NUDCD2: variants seen among roughly 807,000 people sequenced by gnomAD.
NUDCD2 encodes the protein NudC domain containing 2.
Under a neutral mutation model 20.8 loss-of-function variants are expected in NUDCD2, and 16 were observed. The observed-to-expected ratio is 0.77, with a 90% CI of 0.52 to 1.17. The LOEUF is 1.17. Among genes scored for constraint, NUDCD2 ranks in the 50% most tolerant of loss-of-function variants. The pLI, the probability that NUDCD2 is intolerant of heterozygous loss-of-function variation, is 0.00. For missense variants in NUDCD2, 199 were observed against 193.9 expected (o/e 1.03, Z -0.16); for synonymous variants, 87 against 72.8 (o/e 1.20, Z -1.00).
In NUDCD2 at chr5:163,457,034, A is replaced by G. The variant is rs1238651395; in HGVS notation, c.285T>C (p.Asp95=). The G allele has an allele frequency of 1.2e-6, 2 of 1,613,326 alleles. No individual in the cohort carries two copies. Among genetic ancestry groups the G allele is most frequent in the Non-Finnish European group, 1.7e-6 (2 of 1,179,826 alleles). Residue 95 remains aspartate, a synonymous_variant, in exon 3 of 4, where the codon GAT becomes GAC. Coordinates refer to ENST00000302764, the MANE Select transcript of NUDCD2 (RefSeq NM_145266.6). ...GTAGAGAAGTCCAACAATTTGCTGC[A>G]TCTCTCTTTGTCTTTGTAAGAACAA... is the stretch of plus-strand genomic sequence containing the variant. ...VRIVLTKTKR[D]AANCWTSLLE...
chr5:163,457,063 G>GA lies in NUDCD2; in HGVS notation c.255dup (p.Arg86SerfsTer22). 2 of 1,600,508 alleles carry GA rather than the reference G, an allele frequency of 1.2e-6. No homozygotes were observed. Among genetic ancestry groups the GA allele is most frequent in the South Asian group, 2.3e-5 (2 of 88,558 alleles). ...CTCTTTGTCTTTGTAAGAACAATAC[G>GA]AACCATTTTTCTGTCCTCTAAAAAA... is the stretch of plus-strand genomic sequence containing the variant. On this transcript the variant is annotated frameshift_variant, in exon 3 of 4. Coordinates refer to ENST00000302764, the MANE Select transcript of NUDCD2 (RefSeq NM_145266.6). LOFTEE classifies it high-confidence loss of function.
chr5:163,457,373 T>C (rs917109887), intron 2 of NUDCD2, among the ~76,000 whole-genome samples, 189 bp downstream of exon 2: 1 of 150,948 alleles, frequency 6.6e-6, no homozygotes, highest in African/African-American at 2.5e-5. Context: ...CATTAAATTT[T>C]ATATTTCCAA....
intron 3 of NUDCD2, among the ~76,000 whole-genome samples, chr5:163,454,371 C>T (rs1028265410): frequency 9.2e-5 from 14 of 152,166 alleles, no homozygotes; most frequent in Non-Finnish European, 2.1e-4. Context: ...GACGGAGTTT[C>T]GCTCTTGTTG....
Position 163,457,593 on chromosome 5 carries a change from A to G in NUDCD2, c.207T>C (p.Ser69=), listed in dbSNP as rs368500122. The change falls in exon 2 of 4, where the codon TCT becomes TCC. Residue 69 remains serine, a synonymous_variant. Transcript: ENST00000302764. ...REILKGKLFD[S]TIADEGTWTL... is the part of the protein sequence containing the mutation. ...TCCATGTTCCCTCATCAGCTATTGT[A>G]GAATCAAAGAGTTTGCCCTGAAAAA... The G allele has an allele frequency of 3.2e-6, 5 of 1,582,066 alleles. No homozygotes were observed. The highest frequency in any genetic ancestry group is 1.7e-4 in the Middle Eastern group (1 of 5,976).
intron 1 of NUDCD2, among the ~76,000 whole-genome samples, chr5:163,458,533 G>A (rs746158488): frequency 5.9e-5 from 9 of 152,070 alleles, no homozygotes; most frequent in Non-Finnish European, 1.3e-4. Context: ...TGAGGCTGCT[G>A]TGAGCTACAA....
rs2113410517 is a variant in NUDCD2 at position 163,452,733 on chromosome 5, A to G, written c.*1234T>C. ...AACAATGACAGGATGCACTTCTATC[A>G]CATTCCTGCCAAAGATGAATAACCT... On this transcript the variant is annotated 3_prime_UTR_variant, in exon 4 of 4. Coordinates refer to ENST00000302764, the MANE Select transcript of NUDCD2 (RefSeq NM_145266.6). 6.6e-6 allele frequency: 1 copy of G among 152,326 alleles called. No homozygotes were observed. Among genetic ancestry groups the G allele is most frequent in the South Asian group, 2.1e-4 (1 of 4,828 alleles). 9.4% of individuals were successfully genotyped at this position (152,326 alleles called of 1,614,324 possible).
rs2113396943 is a variant in NUDCD2, at chr5:163,448,220, A to T, written c.*5747T>A. 1 of 152,242 alleles carries T rather than the reference A, an allele frequency of 6.6e-6. No homozygotes were observed. Among genetic ancestry groups the T allele is most frequent in the African/African-American group, 2.4e-5 (1 of 41,568 alleles). 9.4% of individuals were successfully genotyped at this position (152,242 alleles called of 1,614,324 possible). ...AAGAAGAAAAAAAAAAAAGAGGCAG[A>T]AAATAAATGCAATTGTAAACAAATT... is the stretch of plus-strand genomic sequence containing the variant. On this transcript the variant is annotated 3_prime_UTR_variant, in exon 4 of 4. Transcript: ENST00000302764.
chr5:163,458,477 T>G (rs757294834), intron 1 of NUDCD2, among the ~76,000 whole-genome samples: 24 of 152,178 alleles, frequency 1.6e-4, no homozygotes, highest in Non-Finnish European at 3.1e-4. Flanking sequence ...AGGCCTGTAA[T>G]CCCAGGACTT....
chr5:163,458,508 T>C (rs1048258666), intron 1 of NUDCD2, among the ~76,000 whole-genome samples: 3 of 152,116 alleles, frequency 2.0e-5, no homozygotes, highest in Non-Finnish European at 2.9e-5. Flanking sequence ...CGTGGATTGC[T>C]TGACCCCATG....
rs867818280 is a variant in NUDCD2, at chr5:163,448,515, T to C, written c.*5452A>G. On this transcript the variant is annotated 3_prime_UTR_variant, in exon 4 of 4. Coordinates refer to ENST00000302764, the MANE Select transcript of NUDCD2 (RefSeq NM_145266.6). ...TCAATAAATTCTCTATTTTTAAAAA[T>C]TGAACCATTGTTTAAAACCTTACTA... The C allele has an allele frequency of 2.0e-5, 3 of 152,276 alleles. No homozygotes were observed. Among genetic ancestry groups the C allele is most frequent in the Admixed American group, 6.5e-5 (1 of 15,298 alleles). 9.4% of individuals were successfully genotyped at this position (152,276 alleles called of 1,614,324 possible). A position where few individuals can be genotyped will look rare whatever the true frequency, so the allele number is the denominator to read the frequency against.
chr5:163,450,194 G>C lies in NUDCD2; in HGVS notation c.*3773C>G, dbSNP rs1758143112. 6.6e-6 allele frequency: 1 copy of C among 152,218 alleles called. No individual in the cohort carries two copies. 9.4% of individuals were successfully genotyped at this position (152,218 alleles called of 1,614,324 possible). A position where few individuals can be genotyped will look rare whatever the true frequency, so the allele number is the denominator to read the frequency against. ...AAGAATCACTTGAACCCAGCAGGCAGAGGTTGCAGTGAGTGGAGATTGTGC... is the reference window on the plus strand; with the variant it reads ...AAGAATCACTTGAACCCAGCAGGCACAGGTTGCAGTGAGTGGAGATTGTGC... On this transcript the variant is annotated 3_prime_UTR_variant, in exon 4 of 4. Coordinates refer to ENST00000302764, the MANE Select transcript of NUDCD2 (RefSeq NM_145266.6).
rs1758154188 is a variant in NUDCD2 at position 163,450,594 on chromosome 5, A to T, written c.*3373T>A. 1 of 152,226 alleles carries T rather than the reference A, an allele frequency of 6.6e-6. No individual in the cohort carries two copies. The highest frequency in any genetic ancestry group is 1.5e-5 in the Non-Finnish European group (1 of 68,040). 9.4% of individuals were successfully genotyped at this position (152,226 alleles called of 1,614,324 possible). A position where few individuals can be genotyped will look rare whatever the true frequency, so the allele number is the denominator to read the frequency against. On this transcript the variant is annotated 3_prime_UTR_variant, in exon 4 of 4. Transcript: ENST00000302764. ...AATGCTCAACATAGTATCAGAGAAT[A>T]GCAAACCAAAACTAGATAGAGATCC...
At chr5:163,457,845 G>C (rs1259146792) in intron 1 of NUDCD2, among the ~76,000 whole-genome samples, 1 of 151,882 alleles carries the variant, frequency 6.6e-6, no homozygotes, top group African/African-American at 2.4e-5. Flanking sequence ...GAAAGATCAG[G>C]GCTCCTTAAT....
intron 3 of NUDCD2, among the ~76,000 whole-genome samples, chr5:163,456,164 A>G (rs546186201): frequency 3.6e-4 from 55 of 152,294 alleles, no homozygotes; most frequent in Middle Eastern, 3.4e-3. Context: ...CTAAATTCAG[A>G]AAAAAAGTCT....
In NUDCD2 at chr5:163,457,120, T is replaced by TA. The variant is rs774303663; in HGVS notation, c.239-41dup. The TA allele has an allele frequency of 4.6e-6, 7 of 1,530,176 alleles. No homozygotes were observed. In the Admixed American group the frequency reaches 1.3e-4, roughly 28 times the overall value. The allele number at this position is 1,530,176 out of a possible 1,614,324, so 94.8% of individuals were successfully genotyped here. On this transcript the variant is annotated intron_variant, in intron 2 of 3. Transcript: ENST00000302764. ...CACACACACACACGCACAAATAAAT[T>TA]AGAGTTCTTCATCAAGTTGTTTTTT...
chr5:163,450,034 C>CG lies in NUDCD2; in HGVS notation c.*3932dup, dbSNP rs1357087658. 6.6e-6 allele frequency: 1 copy of CG among 151,902 alleles called. No homozygotes were observed. Among genetic ancestry groups the CG allele is most frequent in the Non-Finnish European group, 1.5e-5 (1 of 67,984 alleles). 9.4% of individuals were successfully genotyped at this position (151,902 alleles called of 1,614,324 possible). A position where few individuals can be genotyped will look rare whatever the true frequency, so the allele number is the denominator to read the frequency against. On this transcript the variant is annotated 3_prime_UTR_variant, in exon 4 of 4. Coordinates refer to ENST00000302764, the MANE Select transcript of NUDCD2 (RefSeq NM_145266.6). ...CTTCAGAGGCTGAGGCGGGCAGATC[C>CG]GTTGAGGTCAGTTCAAGACCAGCCT...
At position 163,452,917 on chromosome 5, in the gene NUDCD2, G is replaced by A. The variant is rs1408872042; in HGVS notation, c.*1050C>T. The A allele has an allele frequency of 6.6e-6, 1 of 152,200 alleles. No individual in the cohort carries two copies. Among genetic ancestry groups the A allele is most frequent in the Non-Finnish European group, 1.5e-5 (1 of 68,022 alleles). 9.4% of individuals were successfully genotyped at this position (152,200 alleles called of 1,614,324 possible). A position where few individuals can be genotyped will look rare whatever the true frequency, so the allele number is the denominator to read the frequency against. Reference sequence around the variant, plus strand: ...CAGCTGACATCTAAATGAAAGGCATGATTCTGACTGGATCCTCTTGCTATA... The same window carrying A: ...CAGCTGACATCTAAATGAAAGGCATAATTCTGACTGGATCCTCTTGCTATA... On this transcript the variant is annotated 3_prime_UTR_variant, in exon 4 of 4. Coordinates refer to ENST00000302764, the MANE Select transcript of NUDCD2 (RefSeq NM_145266.6).
In NUDCD2 at chr5:163,451,702, C is replaced by CA. The variant is rs1419092227; in HGVS notation, c.*2264dup. On this transcript the variant is annotated 3_prime_UTR_variant, in exon 4 of 4. Transcript: ENST00000302764. ...GGATGAGGAGGACATTCCTGCTCAG[C>CA]ATAGGATGCGAAGCCTAAGCAGGGT... is the stretch of plus-strand genomic sequence containing the variant. The CA allele has an allele frequency of 6.6e-6, 1 of 152,258 alleles. No individual in the cohort carries two copies. The highest frequency in any genetic ancestry group is 6.5e-5 in the Admixed American group (1 of 15,274). The allele number at this position is 152,258 out of a possible 1,614,324, so 9.4% of individuals were successfully genotyped here. A position where few individuals can be genotyped will look rare whatever the true frequency, so the allele number is the denominator to read the frequency against.
In NUDCD2 at chr5:163,449,818, T is replaced by C. The variant is rs1758132327; in HGVS notation, c.*4149A>G. On this transcript the variant is annotated 3_prime_UTR_variant, in exon 4 of 4. Coordinates refer to ENST00000302764, the MANE Select transcript of NUDCD2 (RefSeq NM_145266.6). The stretch of plus-strand genomic sequence containing the variant: ...AGACAACTCAATGGGGAATGGAGAG[T>C]TTTTCAACAGACGATTTTAAAACAA... 1 of 150,470 alleles carries C rather than the reference T, an allele frequency of 6.6e-6. No homozygotes were observed. Among genetic ancestry groups the C allele is most frequent in the South Asian group, 2.1e-4 (1 of 4,754 alleles). 9.3% of individuals were successfully genotyped at this position (150,470 alleles called of 1,614,324 possible). A position where few individuals can be genotyped will look rare whatever the true frequency, so the allele number is the denominator to read the frequency against.
Sources: gnomAD v4.1 joint callset for allele counts (sites outside exome capture counted in the v4.1 genomes callset) on GRCh38, gnomAD v4.1.1 for gene constraint, MANE v1.5 for transcripts, NCBI Gene and HGNC (gene_info 2026-07-23, HGNC 2026-07-21) for gene names.